The following APMAP variants were observed in gnomAD, a reference collection of about 807,000 sequenced individuals.
The protein encoded by APMAP is adipocyte plasma membrane associated protein.
In APMAP, 33 loss-of-function variants were observed where a neutral mutation model predicts 43.6. That is an observed-to-expected ratio of 0.76 (90% CI 0.57 to 1.01). The LOEUF is 1.01. APMAP is among the 50% of genes least tolerant of loss of function. APMAP has a pLI of 0.00. For missense variants in APMAP, 498 were observed against 540.7 expected (o/e 0.92, Z 0.78); for synonymous variants, 224 against 216.7 (o/e 1.03, Z -0.30).
chr20:24,983,856 T>C (rs2088124804), intron 2 of APMAP, 47 bp downstream of exon 2: 1 of 1,309,488 alleles, frequency 7.6e-7, no homozygotes, highest in South Asian at 1.3e-5. Context: ...TTTCAGCCTA[T>C]TACATTTTGT....
At chr20:24,990,321 A>G (rs913159106) in intron 1 of APMAP, among the ~76,000 whole-genome samples, 18 of 152,248 alleles carry the variant, frequency 1.2e-4, no homozygotes, top group Non-Finnish European at 2.4e-4. Context: ...GTCATTGTCC[A>G]GCTGCCAGTT....
chr20:24,969,447 T>A (rs915365763), intron 7 of APMAP, 79 bp downstream of exon 7: 1 of 1,525,664 alleles, frequency 6.6e-7, no homozygotes, highest in Non-Finnish European at 8.8e-7. Flanking sequence ...TTTCTGTCGA[T>A]CCCATTTCCA....
intron 6 of APMAP, 74 bp downstream of exon 6, chr20:24,970,123 A>C: frequency 6.5e-7 from 1 of 1,545,062 alleles, no homozygotes; most frequent in Admixed American, 1.7e-5. Context: ...GGTCCCTAGA[A>C]GTAACAGGCT....
chr20:24,964,346 A>C (rs2087925813), intron 8 of APMAP: 1 of 532,454 alleles, frequency 1.9e-6, no homozygotes, highest in Admixed American at 2.3e-5. Flanking sequence ...ACAGCACTGC[A>C]GCCAAGGCTC....
chr20:24,969,741 A>G (rs2087982525), intron 6 of APMAP, 81 bp from the exon 7 acceptor site: 2 of 1,495,090 alleles, frequency 1.3e-6, no homozygotes, highest in Non-Finnish European at 1.8e-6. Flanking sequence ...GGCCTGAAGA[A>G]GGTGACTCCG....
intron 1 of APMAP, among the ~76,000 whole-genome samples, chr20:24,985,261 C>T (rs888647533): frequency 3.3e-5 from 5 of 151,924 alleles, no homozygotes; most frequent in Non-Finnish European, 1.5e-5. Flanking sequence ...TTTTCACAAA[C>T]GAATAAAGCA....
chr20:24,990,844 T>C (rs552672908), intron 1 of APMAP, among the ~76,000 whole-genome samples: 92 of 152,256 alleles, frequency 6.0e-4, no homozygotes, highest in African/African-American at 2.2e-3. Context: ...AGACCTCACT[T>C]TGAAAGAGAT....
intron 8 of APMAP, chr20:24,964,389 C>T (rs1428114971): frequency 6.0e-6 from 3 of 499,406 alleles, no homozygotes; most frequent in Admixed American, 4.6e-5. Flanking sequence ...TCACAACCAG[C>T]GCAGCTTCCC....
At chr20:24,982,830 GACCCCCCCCCGCC>G (rs896188089) in intron 2 of APMAP, among the ~76,000 whole-genome samples, 3 of 143,142 alleles carry the variant, frequency 2.1e-5, no homozygotes, top group African/African-American at 5.5e-5. Context: ...CACATCAGGG[GACCCCCCCCCGCC>G]ACCCACCCCT....
chr20:24,971,010 C>T (rs1044151133), intron 5 of APMAP, among the ~76,000 whole-genome samples: 1 of 151,936 alleles, frequency 6.6e-6, no homozygotes, highest in African/African-American at 2.4e-5. Context: ...ACACACAGCA[C>T]GTATTACAGC....
chr20:24,983,992 CACTCGGAAA>C lies in APMAP; in HGVS notation c.114_122del (p.Phe39_Val41del). 1.2e-6 allele frequency: 2 copies of C among 1,613,728 alleles called. No individual in the cohort carries two copies. Among genetic ancestry groups the C allele is most frequent in the Non-Finnish European group, 1.7e-6 (2 of 1,179,818 alleles). ...GAGAAACAGCCAGCATCAAGAAGGTCACTCGGAAAACTCTGCCGCTAAAGGAGCTGCCAG... is the reference window on the plus strand; with the variant it reads ...GAGAAACAGCCAGCATCAAGAAGGTCACTCTGCCGCTAAAGGAGCTGCCAG... On this transcript the variant is annotated inframe_deletion, in exon 2 of 9. Transcript: ENST00000217456.
chr20:24,971,953 T>A (rs1373416579), intron 4 of APMAP, among the ~76,000 whole-genome samples: 72 of 132,926 alleles, frequency 5.4e-4, no homozygotes, highest in African/African-American at 2.0e-3. Context: ...CAGGTGCTTA[T>A]TGCAGGGTGC....
In APMAP at chr20:24,983,958, G is replaced by T; in HGVS notation, c.157C>A (p.Pro53Thr). The change falls in exon 2 of 9, where the codon CCC becomes ACC. Residue 53 changes from proline to threonine, a missense_variant. Physicochemically the swap from Pro to Thr is conservative, Grantham distance 38. Transcript: ENST00000217456. The part of the protein sequence containing the change: ...FLMLAVSLTV[P>T]LLGAMMLLES... The stretch of plus-strand genomic sequence containing the variant: ...AGCAGCATCATGGCTCCAAGCAGGG[G>T]AACGGTGAGAGAAACAGCCAGCATC... 2 of 1,614,006 alleles carry T rather than the reference G, an allele frequency of 1.2e-6. No individual in the cohort carries two copies. The highest frequency in any genetic ancestry group is 1.7e-6 in the Non-Finnish European group (2 of 1,179,966).
intron 1 of APMAP, 122 bp from the exon 2 acceptor site, chr20:24,984,141 G>A (rs1458626573): frequency 4.5e-6 from 3 of 672,708 alleles, no homozygotes; most frequent in Non-Finnish European, 7.7e-6. Context: ...CTGCAAGCTG[G>A]CCGACCTCTG....
At chr20:24,964,115 C>G in intron 8 of APMAP, 93 bp from the exon 9 acceptor site, 1 of 1,292,536 alleles carries the variant, frequency 7.7e-7, no homozygotes, top group Admixed American at 1.9e-5. Context: ...CAGGAACGGT[C>G]TGACTCCTTC....
At position 24,973,863 on chromosome 20, in the gene APMAP, A is replaced by C. The variant is rs552653431; in HGVS notation, c.329-126T>G. On this transcript the variant is annotated intron_variant, in intron 3 of 8. Coordinates refer to ENST00000217456, the MANE Select transcript of APMAP (RefSeq NM_020531.3). The stretch of plus-strand genomic sequence containing the variant: ...CCTATAGAGGAAATGCCAATTCTCA[A>C]GATGGAAGAGAAGCAATTTCTGGGA... The C allele has an allele frequency of 5.1e-5, 38 of 748,916 alleles. No homozygotes were observed. The African/African-American group carries it at 6.2e-4, about 12-fold the overall frequency. 46.4% of individuals were successfully genotyped at this position (748,916 alleles called of 1,614,324 possible). A position where few individuals can be genotyped will look rare whatever the true frequency, so the allele number is the denominator to read the frequency against.
intron 6 of APMAP, 78 bp downstream of exon 6, chr20:24,970,119 T>C (rs915411271): frequency 6.1e-5 from 94 of 1,537,074 alleles, no homozygotes; most frequent in Non-Finnish European, 8.2e-5. Flanking sequence ...CCTTGGTCCC[T>C]AGAAGTAACA....
intron 4 of APMAP, among the ~76,000 whole-genome samples, chr20:24,972,757 G>A (rs1258967381): frequency 4.0e-5 from 6 of 151,804 alleles, no homozygotes; most frequent in Non-Finnish European, 7.4e-5. Context: ...TCACTGTGGG[G>A]TGCTCACTGC....
intron 8 of APMAP, among the ~76,000 whole-genome samples, chr20:24,967,809 C>T (rs1368952861): frequency 1.3e-5 from 2 of 152,212 alleles, no homozygotes; most frequent in Admixed American, 1.3e-4. Flanking sequence ...TTGCCTCCCC[C>T]TAGGTCCCAG....
Sources: allele counts gnomAD v4.1 joint callset (sites outside exome capture counted in the v4.1 genomes callset), GRCh38; gene constraint gnomAD v4.1.1; transcripts MANE v1.5; gene names NCBI Gene and HGNC (gene_info 2026-07-23, HGNC 2026-07-21).